UBR2: variants seen among roughly 807,000 people sequenced by gnomAD.
The protein encoded by UBR2 is E3 ubiquitin-protein ligase UBR2.
In UBR2, 92 loss-of-function variants were observed where a neutral mutation model predicts 247.9. That is an observed-to-expected ratio of 0.37 (90% CI 0.31 to 0.44). The LOEUF (loss-of-function observed/expected upper bound fraction) is 0.44. UBR2 is among the 20% of genes least tolerant of loss of function. The pLI, the probability that UBR2 is intolerant of heterozygous loss-of-function variation, is 1.00. For synonymous variants in UBR2, 672 were observed against 693.5 expected (o/e 0.97, Z 0.49); for missense variants, 1,613 against 2,112.6 (o/e 0.76, Z 4.64).
At chr6:42,690,202 C>T (rs1799675125) in intron 46 of UBR2, among the ~76,000 whole-genome samples, 1 of 152,222 alleles carries the variant, frequency 6.6e-6, no homozygotes. Context: ...CAGACCATCT[C>T]TTTTGTCTAA....
Position 42,630,336 on chromosome 6 carries a change from C to T in UBR2, c.1282-2216C>T, listed in dbSNP as rs998473442. Among the ~76,000 whole-genome samples, 12 of 152,024 alleles carry T rather than the reference C, an allele frequency of 7.9e-5. 1 individual carries two copies. In the South Asian group the frequency reaches 2.3e-3, roughly 29 times the overall value. On this transcript the variant is annotated intron_variant, in intron 11 of 46. Transcript: ENST00000372901. ...AGTAGCTGGGATTACAGGAGCCCAC[C>T]ACCACGCCCAGCTAATTTTTGTGTT...
At position 42,649,921 on chromosome 6, in the gene UBR2, TAGAAC is replaced by T. The variant is rs1232175732; in HGVS notation, c.2463-361_2463-357del. Among the ~76,000 whole-genome samples the T allele has an allele frequency of 3.3e-5, 5 of 152,352 alleles. No individual in the cohort carries two copies. In the East Asian group the frequency reaches 9.6e-4, roughly 29 times the overall value. On this transcript the variant is annotated intron_variant, in intron 22 of 46. Transcript: ENST00000372901. The stretch of plus-strand genomic sequence containing the variant: ...AGTGTACCTGCTTTTTTCTGCTTAA[TAGAAC>T]AACACGGAAGTCTTTACATGTGAAA...
chr6:42,608,405 C>T (rs1017603469), intron 7 of UBR2, among the ~76,000 whole-genome samples: 3 of 152,042 alleles, frequency 2.0e-5, no homozygotes, highest in South Asian at 4.1e-4. Flanking sequence ...GCAAGAGGAT[C>T]GCTTGAGGCC....
At chr6:42,666,555 C>CT (rs1798116941) in intron 34 of UBR2, among the ~76,000 whole-genome samples, 2 of 152,178 alleles carry the variant, frequency 1.3e-5, no homozygotes, top group South Asian at 4.1e-4. Context: ...TTAAAAAAAT[C>CT]TAAGAACCAT....
chr6:42,681,162 C>CAA (rs59312824), intron 42 of UBR2, among the ~76,000 whole-genome samples: 63 of 50,482 alleles, frequency 1.2e-3, no homozygotes, highest in African/African-American at 3.1e-3. Context: ...GACTCCGTCT[C>CAA]AAAAAAAAAA....
At chr6:42,668,839 A>G (rs564288625) in intron 34 of UBR2, among the ~76,000 whole-genome samples, 1 of 152,242 alleles carries the variant, frequency 6.6e-6, no homozygotes, top group African/African-American at 2.4e-5. Flanking sequence ...CCTCCTGAGT[A>G]GTTGGGATTA....
chr6:42,572,559 G>A lies in UBR2; in HGVS notation c.79-1175G>A, dbSNP rs561056295. On this transcript the variant is annotated intron_variant, in intron 1 of 46. Transcript: ENST00000372901. ...ATTTCAGCTTTTACTTTAGATTTAAGGAATACATGTGCAGGTTTGTTACAT... is the reference window on the plus strand; with the variant it reads ...ATTTCAGCTTTTACTTTAGATTTAAAGAATACATGTGCAGGTTTGTTACAT... Among the ~76,000 whole-genome samples the A allele has an allele frequency of 4.2e-4, 64 of 151,656 alleles. No individual in the cohort carries two copies. In the Middle Eastern group the frequency reaches 0.01, roughly 24 times the overall value.
intron 7 of UBR2, among the ~76,000 whole-genome samples, chr6:42,607,229 G>A (rs1480916156): frequency 6.7e-6 from 1 of 149,200 alleles, no homozygotes; most frequent in African/African-American, 2.5e-5. Context: ...GTGCAGTGGT[G>A]CAATCTCGGC....
chr6:42,596,092 G>T (rs73440603), intron 4 of UBR2, among the ~76,000 whole-genome samples: 3,522 of 149,590 alleles, frequency 0.024, 126 homozygotes, highest in African/African-American at 0.082. Context: ...GAAAGTATAT[G>T]TGTGTATATC....
At chr6:42,607,583 C>G (rs1793784218) in intron 7 of UBR2, among the ~76,000 whole-genome samples, 1 of 151,876 alleles carries the variant, frequency 6.6e-6, no homozygotes, top group Non-Finnish European at 1.5e-5. Context: ...GGCATGATCT[C>G]CACTCACTGC....
Position 42,670,211 on chromosome 6 carries a change from G to T in UBR2, c.4001G>T (p.Gly1334Val). 6.2e-7 allele frequency: 1 copy of T among 1,614,148 alleles called. No homozygotes were observed. Among genetic ancestry groups the T allele is most frequent in the Non-Finnish European group, 8.5e-7 (1 of 1,180,010 alleles). Residue 1334 changes from glycine (G) to valine (V), a missense_variant, in exon 35 of 47, where the codon GGT (glycine) becomes GTT (valine). Gly to Val is a moderately radical substitution (Grantham distance 109, BLOSUM62 -3). This residue lies in a region of UBR2 where 1,524 missense variants were observed against 1,967.3 expected (regional missense o/e 0.77). Coordinates refer to ENST00000372901, the MANE Select transcript of UBR2 (RefSeq NM_001363705.2). ...CCTCGTGTTCCCATAATGTGTTGGG[G>T]TAGCTGCGCGTACACCATCCAAAGC... is the stretch of plus-strand genomic sequence containing the variant. ...EDPRVPIMCW[G>V]SCAYTIQSIE...
chr6:42,634,579 C>T (rs1409830846), intron 13 of UBR2, among the ~76,000 whole-genome samples: 3 of 152,174 alleles, frequency 2.0e-5, no homozygotes, highest in East Asian at 1.9e-4. Context: ...CTCAGCCTCC[C>T]GAGTAGCTGG....
At chr6:42,589,671 T>G (rs1453920591) in intron 2 of UBR2, among the ~76,000 whole-genome samples, 1 of 152,236 alleles carries the variant, frequency 6.6e-6, no homozygotes, top group East Asian at 1.9e-4. Flanking sequence ...CTTGACTCAA[T>G]TTCTTTAATA....
intron 8 of UBR2, among the ~76,000 whole-genome samples, chr6:42,613,169 A>G (rs955817058): frequency 1.1e-4 from 16 of 152,222 alleles, no homozygotes; most frequent in African/African-American, 3.9e-4. Context: ...AAGAATTAAG[A>G]ATCCTCACAT....
At chr6:42,647,938 C>T (rs1037742741) in intron 21 of UBR2, among the ~76,000 whole-genome samples, 180 bp from the exon 22 acceptor site, 2 of 151,902 alleles carry the variant, frequency 1.3e-5, no homozygotes, top group African/African-American at 4.8e-5. Flanking sequence ...ATCAGCTTGC[C>T]GAGTAAGTAT....
At chr6:42,592,428 T>G (rs1289644012) in intron 3 of UBR2, among the ~76,000 whole-genome samples, 199 bp downstream of exon 3, 2 of 152,150 alleles carry the variant, frequency 1.3e-5, no homozygotes, top group Non-Finnish European at 2.9e-5. Context: ...GCATATGATT[T>G]AAAAAAGATA....
intron 7 of UBR2, among the ~76,000 whole-genome samples, chr6:42,607,237 G>A (rs1001358429): frequency 3.3e-5 from 5 of 149,336 alleles, no homozygotes; most frequent in Non-Finnish European, 5.9e-5. Flanking sequence ...GTGCAATCTC[G>A]GCTCACTGCA....
chr6:42,620,114 C>A, intron 11 of UBR2: 1 of 707,292 alleles, frequency 1.4e-6, no homozygotes, highest in Non-Finnish European at 1.7e-6. Context: ...ATGGTTAAAC[C>A]AATTCATGCT....
At chr6:42,601,620 G>A (rs926514181) in intron 4 of UBR2, among the ~76,000 whole-genome samples, 1 of 150,574 alleles carries the variant, frequency 6.6e-6, no homozygotes, top group African/African-American at 2.4e-5. Context: ...CCCGGGAGGC[G>A]GACGTTACAG....
Sources: allele counts gnomAD v4.1 joint callset (sites outside exome capture counted in the v4.1 genomes callset), GRCh38; gene constraint gnomAD v4.1.1; regional missense constraint gnomAD v4.1.1; transcripts MANE v1.5; gene names NCBI Gene and HGNC (gene_info 2026-07-23, HGNC 2026-07-21).